The following XYLT1 variants were observed in gnomAD, a reference collection of about 807,000 sequenced individuals.
XYLT1 encodes beta-D-xylosyltransferase 1.
Under a neutral mutation model 91.3 loss-of-function variants are expected in XYLT1, and 36 were observed. That is an observed-to-expected ratio of 0.39 (90% confidence interval 0.30 to 0.52). The LOEUF (loss-of-function observed/expected upper bound fraction) is 0.52, where lower values mean the gene tolerates loss of function less well. Ranked by LOEUF, XYLT1 falls within the 20% of genes least tolerant of loss-of-function variation. The pLI is 0.68. For missense variants in XYLT1, 1,242 were observed against 1,284.5 expected (o/e 0.97, Z 0.51); for synonymous variants, 588 against 532.0 (o/e 1.11, Z -1.45).
intron 1 of XYLT1, among the ~76,000 whole-genome samples, chr16:17,468,500 G>T (rs927277760): frequency 2.0e-5 from 3 of 152,170 alleles, no homozygotes; most frequent in African/African-American, 7.2e-5. Context: ...CTCCGCTGCT[G>T]GAACTGCAAT....
At chr16:17,457,602 G>A (rs188444425) in intron 1 of XYLT1, among the ~76,000 whole-genome samples, 109 of 152,242 alleles carry the variant, frequency 7.2e-4, no homozygotes, top group Middle Eastern at 3.4e-3. Flanking sequence ...AAAATCAGAC[G>A]TCACAATTTG....
At chr16:17,198,507 C>T in intron 4 of XYLT1, 93 bp from the exon 5 acceptor site, 2 of 1,324,392 alleles carry the variant, frequency 1.5e-6, no homozygotes, top group Admixed American at 4.3e-5. Flanking sequence ...TGTCTTCCCT[C>T]CTGGTTGGGC....
rs746340083 is a variant in XYLT1 at position 17,198,235 on chromosome 16, C to T, written c.1266G>A (p.Leu422=). Residue 422 remains leucine, a synonymous_variant, in exon 5 of 12, where the codon CTG becomes CTA. Coordinates refer to ENST00000261381, the MANE Select transcript of XYLT1 (RefSeq NM_022166.4). ...ACCTGATGGGGTAGTCGGCCGCACTCAGGTTGATGAAGAAGTCCCAGGGCC... is the reference window on the plus strand; with the variant it reads ...ACCTGATGGGGTAGTCGGCCGCACTTAGGTTGATGAAGAAGTCCCAGGGCC... ...TDWPWDFFIN[L]SAADYPIRTN... 1.2e-6 allele frequency: 2 copies of T among 1,614,150 alleles called. No individual in the cohort carries two copies. Among genetic ancestry groups the T allele is most frequent in the Admixed American group, 3.3e-5 (2 of 60,024 alleles).
chr16:17,203,018 G>A (rs569680844), intron 3 of XYLT1, among the ~76,000 whole-genome samples: 2 of 152,220 alleles, frequency 1.3e-5, no homozygotes, highest in South Asian at 4.2e-4. Flanking sequence ...CTTTCCAAAT[G>A]AGGAAACCAC....
intron 3 of XYLT1, among the ~76,000 whole-genome samples, chr16:17,207,048 C>CT (rs1442082483): frequency 1.6e-3 from 145 of 89,316 alleles, no homozygotes; most frequent in African/African-American, 9.5e-3. Context: ...GTTTTCTTTT[C>CT]TTTCTTTTTT....
At chr16:17,287,343 C>G (rs140564375) in intron 2 of XYLT1, among the ~76,000 whole-genome samples, 1 of 152,090 alleles carries the variant, frequency 6.6e-6, no homozygotes, top group Non-Finnish European at 1.5e-5. Flanking sequence ...ACGCTCAGAA[C>G]GTAGACGGAT....
At chr16:17,288,416 C>T (rs2034173299) in intron 2 of XYLT1, among the ~76,000 whole-genome samples, 1 of 152,038 alleles carries the variant, frequency 6.6e-6, no homozygotes, top group South Asian at 2.1e-4. Context: ...TTACTTACCT[C>T]CTACCTGTCA....
In XYLT1 at chr16:17,334,234, C is replaced by T. The variant is rs116556444; in HGVS notation, c.402+23778G>A. ...ACTCAGCAGCATAAACAACTTAGGC[C>T]GGGGCTTTAAAACAAATTGGTCACT... On this transcript the variant is annotated intron_variant, in intron 2 of 11. Coordinates refer to ENST00000261381, the MANE Select transcript of XYLT1 (RefSeq NM_022166.4). Among the ~76,000 whole-genome samples, 220 of 152,226 alleles carry T rather than the reference C, an allele frequency of 1.4e-3. 2 individuals carry two copies. The highest frequency in any genetic ancestry group is 3.8e-3 in the African/African-American group (158 of 41,524).
At chr16:17,424,551 T>C (rs976729550) in intron 1 of XYLT1, among the ~76,000 whole-genome samples, 1 of 152,076 alleles carries the variant, frequency 6.6e-6, no homozygotes, top group South Asian at 2.1e-4. Context: ...GTTATGTGGA[T>C]GCTGTAGAAA....
intron 3 of XYLT1, among the ~76,000 whole-genome samples, chr16:17,231,533 C>T (rs531435582): frequency 1.9e-4 from 29 of 152,268 alleles, no homozygotes; most frequent in African/African-American, 5.5e-4. Context: ...TGCATCACAA[C>T]GATGGGATAC....
intron 3 of XYLT1, among the ~76,000 whole-genome samples, chr16:17,201,567 C>T (rs2032543047): frequency 6.6e-6 from 1 of 151,414 alleles, no homozygotes; most frequent in Non-Finnish European, 1.5e-5. Flanking sequence ...CTCCACCTCT[C>T]AGGTTCAAGT....
At chr16:17,332,970 C>T (rs966534328) in intron 2 of XYLT1, among the ~76,000 whole-genome samples, 8 of 152,076 alleles carry the variant, frequency 5.3e-5, no homozygotes, top group East Asian at 3.9e-4. Flanking sequence ...GAAGAGGTGA[C>T]GGCACAGGCA....
rs1157952692 is a variant in XYLT1, at chr16:17,172,466, CTTTTTTTTTTTT to C, written c.1290-13569_1290-13558del. 5.8e-5 allele frequency among the ~76,000 whole-genome samples: 6 copies of C among 102,630 alleles called. 1 individual carries two copies. The South Asian group carries it at 1.6e-3, about 27-fold the overall frequency. The allele number at this position is 102,630 out of a possible 152,430, so 67.3% of individuals were successfully genotyped here. A position where few individuals can be genotyped will look rare whatever the true frequency, so the allele number is the denominator to read the frequency against. Reference sequence around the variant, plus strand: ...TATGTGCCAAAGACTGCGTTCATTTCTTTTTTTTTTTTTTTTTTTTTTGAGACGGAGTCTCGC... The same window carrying C: ...TATGTGCCAAAGACTGCGTTCATTTCTTTTTTTTTTGAGACGGAGTCTCGC... On this transcript the variant is annotated intron_variant, in intron 5 of 11. Coordinates refer to ENST00000261381, the MANE Select transcript of XYLT1 (RefSeq NM_022166.4).
intron 2 of XYLT1, among the ~76,000 whole-genome samples, chr16:17,261,738 G>C (rs1470023208): frequency 6.6e-6 from 1 of 152,128 alleles, no homozygotes; most frequent in Non-Finnish European, 1.5e-5. Flanking sequence ...CGAAGCACGT[G>C]GAGTCTGAGG....
chr16:17,450,248 G>A (rs1215294449), intron 1 of XYLT1, among the ~76,000 whole-genome samples: 1 of 152,108 alleles, frequency 6.6e-6, no homozygotes, highest in Admixed American at 6.5e-5. Context: ...TGAGGCAGGA[G>A]AATCGCTTGA....
At chr16:17,294,983 G>T (rs2034287846) in intron 2 of XYLT1, among the ~76,000 whole-genome samples, 1 of 152,192 alleles carries the variant, frequency 6.6e-6, no homozygotes, top group South Asian at 2.1e-4. Flanking sequence ...ACAGAAAGAT[G>T]ACAGATATAA....
chr16:17,357,877 G>C, intron 2 of XYLT1, 135 bp downstream of exon 2: 1 of 873,924 alleles, frequency 1.1e-6, no homozygotes. Context: ...ACATACATGT[G>C]CAGGCACACA....
At chr16:17,232,441 A>G (rs2033178447) in intron 3 of XYLT1, among the ~76,000 whole-genome samples, 1 of 121,246 alleles carries the variant, frequency 8.2e-6, no homozygotes, top group Non-Finnish European at 1.7e-5. Flanking sequence ...ATATATATAT[A>G]TATATATACA....
chr16:17,310,591 C>T (rs2034532337), intron 2 of XYLT1, among the ~76,000 whole-genome samples: 1 of 152,216 alleles, frequency 6.6e-6, no homozygotes, highest in Admixed American at 6.5e-5. Flanking sequence ...TGGCTCATGC[C>T]TGTAATCTCA....
Sources: gnomAD v4.1 joint callset for allele counts (sites outside exome capture counted in the v4.1 genomes callset) on GRCh38, gnomAD v4.1.1 for gene constraint, MANE v1.5 for transcripts, NCBI Gene and HGNC (gene_info 2026-07-23, HGNC 2026-07-21) for gene names.